Variants in SLC14A2 observed in about 807,000 individuals in gnomAD.
The protein encoded by SLC14A2 is solute carrier family 14 member 2, also known as urea transporter 2.
In SLC14A2, 91 loss-of-function variants were observed where a neutral mutation model predicts 104.6. The ratio of observed to expected loss-of-function variants is 0.87; its 90% confidence interval spans 0.73 to 1.04. The LOEUF (loss-of-function observed/expected upper bound fraction) is 1.04. SLC14A2 is among the 50% of genes least tolerant of loss of function. SLC14A2 has a pLI of 0.00. For missense variants in SLC14A2, 1,189 were observed against 1,156.0 expected, an observed-to-expected ratio of 1.03 and a Z score of -0.41; for synonymous variants, 476 against 466.4, an observed-to-expected ratio of 1.02 and a Z score of -0.27.
the SLC14A2 span, among the ~76,000 whole-genome samples, chr18:45,190,456 G>T: frequency 1.3e-5 from 2 of 152,162 alleles, no homozygotes; most frequent in Non-Finnish European, 2.9e-5. Flanking sequence ...GAATGAAATA[G>T]AGCCTCTGGG....
chr18:45,397,362 G>A (rs1311654404), intron 1 of SLC14A2, among the ~76,000 whole-genome samples: 1 of 152,134 alleles, frequency 6.6e-6, no homozygotes, highest in Non-Finnish European at 1.5e-5. Context: ...CATTCTAACT[G>A]GTGTGAGATG....
the SLC14A2 span, among the ~76,000 whole-genome samples, chr18:45,205,795 T>G: frequency 7.9e-5 from 12 of 152,242 alleles, no homozygotes; most frequent in African/African-American, 2.9e-4. Context: ...ATTCATTCTT[T>G]TATTCAACAA....
chr18:45,174,275 T>A, the SLC14A2 span, among the ~76,000 whole-genome samples: 1,064 of 152,280 alleles, frequency 7.0e-3, 25 homozygotes, highest in African/African-American at 0.025. Flanking sequence ...CCCCCAGTGA[T>A]GACAGAGTCC....
chr18:45,278,043 G>A (rs1021761541), intron 1 of SLC14A2, among the ~76,000 whole-genome samples: 1 of 152,126 alleles, frequency 6.6e-6, no homozygotes, highest in Non-Finnish European at 1.5e-5. Context: ...TGTATAGTTA[G>A]GGCGTTCCCC....
chr18:45,372,637 G>A (rs936622954), intron 1 of SLC14A2, among the ~76,000 whole-genome samples: 6 of 152,130 alleles, frequency 3.9e-5, no homozygotes, highest in Non-Finnish European at 7.3e-5. Context: ...TGCAAGTTCC[G>A]ATGCAGGGTA....
intron 1 of SLC14A2, 39 bp from the exon 2 acceptor site, chr18:45,624,592 G>A (rs147150116): frequency 1.0e-4 from 152 of 1,512,814 alleles, no homozygotes; most frequent in Middle Eastern, 3.6e-4. Context: ...TCTGGGCCCC[G>A]TCCTGACTCA....
intron 1 of SLC14A2, among the ~76,000 whole-genome samples, chr18:45,396,539 GT>G (rs2086032697): frequency 6.6e-6 from 1 of 150,910 alleles, no homozygotes; most frequent in African/African-American, 2.4e-5. Context: ...ATTTTGGGGG[GT>G]TTTCCATTTA....
At chr18:45,674,653 G>A (rs1001331086) in intron 18 of SLC14A2, among the ~76,000 whole-genome samples, 5 of 151,366 alleles carry the variant, frequency 3.3e-5, no homozygotes, top group Non-Finnish European at 5.9e-5. Context: ...ATAAAAGGTA[G>A]CCATTCACCT....
At chr18:45,170,626 A>G in the SLC14A2 span, among the ~76,000 whole-genome samples, 1 of 152,222 alleles carries the variant, frequency 6.6e-6, no homozygotes, top group Admixed American at 6.5e-5. Flanking sequence ...CAGTTCTGCA[A>G]TGACCTCATA....
intron 1 of SLC14A2, among the ~76,000 whole-genome samples, chr18:45,307,444 C>T (rs1302810562): frequency 6.8e-6 from 1 of 146,900 alleles, no homozygotes; most frequent in African/African-American, 2.5e-5. Context: ...AACCAAAAAA[C>T]CAAAAAACCA....
At chr18:45,680,502 G>A (rs1211618384) in intron 19 of SLC14A2, among the ~76,000 whole-genome samples, 1 of 152,136 alleles carries the variant, frequency 6.6e-6, no homozygotes. Flanking sequence ...CGAGGAACAG[G>A]AAATAAAAAT....
In SLC14A2 at chr18:45,384,270, G is replaced by T. The variant is rs144916605; in HGVS notation, c.-124-98963G>T. Among the ~76,000 whole-genome samples, 309 of 152,232 alleles carry T rather than the reference G, an allele frequency of 2.0e-3. 3 individuals carry two copies. The highest frequency in any genetic ancestry group is 4.9e-3 in the African/African-American group (205 of 41,546). On this transcript the variant is annotated intron_variant, in intron 1 of 20. Coordinates refer to the SLC14A2 transcript ENST00000586448. The stretch of plus-strand genomic sequence containing the variant: ...CCTCTCCTCTGGTTACTATGAACTG[G>T]GCTCACCTCCCGCAGTTGGTGATTT...
At chr18:45,459,407 A>C (rs2087002819) in intron 1 of SLC14A2, among the ~76,000 whole-genome samples, 1 of 152,118 alleles carries the variant, frequency 6.6e-6, no homozygotes, top group South Asian at 2.1e-4. Flanking sequence ...TATTTCAAAG[A>C]GACTTTACCC....
intron 2 of SLC14A2, among the ~76,000 whole-genome samples, chr18:45,541,079 T>C (rs2852279): frequency 2.8e-4 from 43 of 152,296 alleles, no homozygotes; most frequent in African/African-American, 1.0e-3. Flanking sequence ...CAGGGCACCA[T>C]GACAAATAGG....
At chr18:45,432,745 C>T (rs1220666867) in intron 1 of SLC14A2, among the ~76,000 whole-genome samples, 2 of 152,098 alleles carry the variant, frequency 1.3e-5, no homozygotes, top group East Asian at 3.9e-4. Context: ...TTGTGGATGC[C>T]AGGATAGTCT....
intron 1 of SLC14A2, among the ~76,000 whole-genome samples, chr18:45,368,559 T>TA (rs2085690017): frequency 6.6e-6 from 1 of 152,202 alleles, no homozygotes; most frequent in South Asian, 2.1e-4. Context: ...TCGTTTCCCT[T>TA]GTTAAGCATT....
At chr18:45,394,600 T>G (rs2086008394) in intron 1 of SLC14A2, among the ~76,000 whole-genome samples, 1 of 152,172 alleles carries the variant, frequency 6.6e-6, no homozygotes, top group South Asian at 2.1e-4. Context: ...CCCTGATGAT[T>G]AGTGATATGG....
intron 1 of SLC14A2, among the ~76,000 whole-genome samples, chr18:45,460,188 A>G (rs760339199): frequency 2.0e-5 from 3 of 152,322 alleles, no homozygotes; most frequent in East Asian, 1.9e-4. Flanking sequence ...CCTTCACCCA[A>G]TGATGGCTCT....
intron 2 of SLC14A2, among the ~76,000 whole-genome samples, chr18:45,542,049 TTTTTTTTTTTTTTTTTTTTTTTTG>T (rs1314170315): frequency 7.5e-6 from 1 of 134,180 alleles, no homozygotes; most frequent in Admixed American, 7.7e-5. Flanking sequence ...TTTTTTTTTT[TTTTTTTTTTTTTTTTTTTTTTTTG>T]CTTTTGAGTT....
Sources: gnomAD v4.1 joint callset for allele counts (sites outside exome capture counted in the v4.1 genomes callset) on GRCh38, gnomAD v4.1.1 for gene constraint, MANE v1.5 for transcripts, NCBI Gene and HGNC (gene_info 2026-07-23, HGNC 2026-07-21) for gene names.